The following ADCY2 variants were observed in gnomAD, a reference collection of about 807,000 sequenced individuals.
ADCY2 encodes the protein adenylate cyclase type 2.
Under a neutral mutation model 125.2 loss-of-function variants are expected in ADCY2, and 31 were observed. The ratio of observed to expected loss-of-function variants is 0.25; its 90% CI spans 0.19 to 0.33. The LOEUF (loss-of-function observed/expected upper bound fraction) is 0.33. ADCY2 is among the 10% of genes least tolerant of loss of function. The probability of loss-of-function intolerance (pLI) is 1.00; values close to 1 mark genes in which losing one functional copy is unlikely to be tolerated. For synonymous variants in ADCY2, 512 were observed against 548.4 expected, an observed-to-expected ratio of 0.93 and a Z score of 0.93; for missense variants, 904 against 1,418.2, an observed-to-expected ratio of 0.64 and a Z score of 5.82.
At chr5:7,780,109 T>C (rs1055487542) in intron 18 of ADCY2, among the ~76,000 whole-genome samples, 1 of 152,160 alleles carries the variant, frequency 6.6e-6, no homozygotes, top group Non-Finnish European at 1.5e-5. Flanking sequence ...ACCGAGTGTG[T>C]CTTAGCAATT....
At chr5:7,441,497 A>G (rs541012205) in intron 2 of ADCY2, among the ~76,000 whole-genome samples, 1 of 152,200 alleles carries the variant, frequency 6.6e-6, no homozygotes, top group East Asian at 1.9e-4. Flanking sequence ...CTAGGATGAT[A>G]GCGTGCTGGT....
chr5:7,803,532 C>T (rs987581848), intron 21 of ADCY2, among the ~76,000 whole-genome samples: 2 of 152,164 alleles, frequency 1.3e-5, no homozygotes, highest in African/African-American at 2.4e-5. Context: ...TCCTCCATCC[C>T]AGCTGAAAGC....
intron 17 of ADCY2, 89 bp downstream of exon 17, chr5:7,766,895 C>A: frequency 1.4e-6 from 2 of 1,435,080 alleles, no homozygotes; most frequent in South Asian, 1.6e-5. Context: ...CAGATCTGTT[C>A]TAGACTTTGC....
intron 3 of ADCY2, among the ~76,000 whole-genome samples, chr5:7,587,384 T>A (rs371972308): frequency 2.0e-5 from 3 of 152,262 alleles, no homozygotes; most frequent in African/African-American, 7.2e-5. Context: ...TGTTGCGAGA[T>A]GCTTGATGAC....
At chr5:7,655,487 C>T (rs1739288667) in intron 4 of ADCY2, among the ~76,000 whole-genome samples, 1 of 152,170 alleles carries the variant, frequency 6.6e-6, no homozygotes, top group African/African-American at 2.4e-5. Flanking sequence ...ACTGACGTTC[C>T]AGCTGAAGCC....
At chr5:7,484,882 C>T (rs1293472003) in intron 2 of ADCY2, among the ~76,000 whole-genome samples, 1 of 152,192 alleles carries the variant, frequency 6.6e-6, no homozygotes, top group Non-Finnish European at 1.5e-5. Context: ...TTCCCATAAA[C>T]TGCCATCCCA....
intron 2 of ADCY2, among the ~76,000 whole-genome samples, chr5:7,453,616 C>T (rs1183245540): frequency 3.9e-5 from 6 of 152,236 alleles, no homozygotes; most frequent in Admixed American, 2.6e-4. Context: ...GAAGGAAAGA[C>T]GGGAAGTATA....
chr5:7,782,502 G>C (rs187337464), intron 18 of ADCY2, among the ~76,000 whole-genome samples: 5 of 152,314 alleles, frequency 3.3e-5, no homozygotes, highest in African/African-American at 9.6e-5. Flanking sequence ...GAAATGCAAA[G>C]GGGACTTGCG....
chr5:7,709,063 G>T lies in ADCY2; in HGVS notation c.1402-148G>T. The T allele has an allele frequency of 1.5e-6, 1 of 687,150 alleles. No homozygotes were observed. The highest frequency in any genetic ancestry group is 2.1e-6 in the Non-Finnish European group (1 of 469,854). The allele number at this position is 687,150 out of a possible 1,614,324, so 42.6% of individuals were successfully genotyped here. On this transcript the variant is annotated intron_variant, in intron 9 of 24. Transcript: ENST00000338316. This position sits in a 1 kb window ranked among gnomAD's most constrained non-coding sequence, Gnocchi z 4.4. ...CTCAACTCAAATAGTGTGTTCCCCA[G>T]TAACACTGAAGGAATAAGGACAGAA...
rs181912204 is a variant in ADCY2 at position 7,480,955 on chromosome 5, A to G, written c.409-39783A>G. ...TGCTGCAATAAACATGGGAATGCAGATATCTCTTTGGCATGCCAATTTTCT... is the reference window on the plus strand; with the variant it reads ...TGCTGCAATAAACATGGGAATGCAGGTATCTCTTTGGCATGCCAATTTTCT... On this transcript the variant is annotated intron_variant, in intron 2 of 24. Coordinates refer to ENST00000338316, the MANE Select transcript of ADCY2 (RefSeq NM_020546.3). Among the ~76,000 whole-genome samples the G allele has an allele frequency of 5.2e-4, 79 of 152,252 alleles. 2 individuals are homozygous for G. The South Asian group carries it at 7.3e-3, about 14-fold the overall frequency.
intron 15 of ADCY2, among the ~76,000 whole-genome samples, chr5:7,746,498 A>C (rs1286923465): frequency 6.6e-6 from 1 of 152,236 alleles, no homozygotes; most frequent in Non-Finnish European, 1.5e-5. Flanking sequence ...TGCACTCTGC[A>C]CTCTGCCATC....
At chr5:7,671,958 G>A (rs532627291) in intron 4 of ADCY2, among the ~76,000 whole-genome samples, 12 of 152,300 alleles carry the variant, frequency 7.9e-5, no homozygotes, top group African/African-American at 2.9e-4. Context: ...GAGTGGGTGA[G>A]CTTGGACTTG....
chr5:7,687,023 A>T (rs1463096194), intron 4 of ADCY2, among the ~76,000 whole-genome samples: 1 of 152,156 alleles, frequency 6.6e-6, no homozygotes, highest in East Asian at 1.9e-4. Context: ...GCCAGTGTTG[A>T]ATGATGGGGG....
chr5:7,505,334 A>G (rs1743768705), intron 2 of ADCY2, among the ~76,000 whole-genome samples: 2 of 152,194 alleles, frequency 1.3e-5, no homozygotes, highest in Admixed American at 1.3e-4. Flanking sequence ...CCTGGGTGTA[A>G]ATAAGGCTTA....
intron 15 of ADCY2, among the ~76,000 whole-genome samples, chr5:7,752,208 T>G (rs1742850250): frequency 6.6e-6 from 1 of 152,228 alleles, no homozygotes; most frequent in South Asian, 2.1e-4. Flanking sequence ...AAAGGACAAT[T>G]AAATAATCAA....
intron 18 of ADCY2, among the ~76,000 whole-genome samples, chr5:7,778,150 A>G (rs1474909497): frequency 6.6e-6 from 1 of 152,258 alleles, no homozygotes; most frequent in Admixed American, 6.5e-5. Flanking sequence ...GGTGATGTTA[A>G]TAACAACTGA....
intron 6 of ADCY2, among the ~76,000 whole-genome samples, chr5:7,696,804 G>T (rs1189685001): frequency 1.3e-5 from 2 of 152,090 alleles, no homozygotes; most frequent in Non-Finnish European, 2.9e-5. Flanking sequence ...GCCTTCTGTA[G>T]TTCCACCGAC....
At chr5:7,597,545 TG>T (rs1314024426) in intron 3 of ADCY2, among the ~76,000 whole-genome samples, 4 of 152,128 alleles carry the variant, frequency 2.6e-5, no homozygotes, top group African/African-American at 9.7e-5. Context: ...GAGGCCAAGG[TG>T]GGTGGATCAC....
At chr5:7,606,531 A>G (rs1031531122) in intron 3 of ADCY2, among the ~76,000 whole-genome samples, 1 of 152,246 alleles carries the variant, frequency 6.6e-6, no homozygotes, top group Non-Finnish European at 1.5e-5. Flanking sequence ...AATTTGGTCC[A>G]TGATCATTTA....
Sources: gnomAD v4.1 joint callset for allele counts (sites outside exome capture counted in the v4.1 genomes callset) on GRCh38, gnomAD v4.1.1 for gene constraint, Gnocchi (gnomAD v3.1) non-coding constraint, MANE v1.5 for transcripts, NCBI Gene and HGNC (gene_info 2026-07-23, HGNC 2026-07-21) for gene names.